CACNA2D2: variants seen among roughly 807,000 people sequenced by gnomAD.
CACNA2D2 encodes the protein voltage-dependent calcium channel subunit alpha-2/delta-2.
A neutral mutation model predicts 166.4 loss-of-function variants in CACNA2D2; 48 were observed. The observed-to-expected ratio is 0.29, with a 90% confidence interval of 0.23 to 0.37. The LOEUF (loss-of-function observed/expected upper bound fraction) is 0.37. Ranked by LOEUF, CACNA2D2 falls within the 10% of genes least tolerant of loss-of-function variation. The pLI is 1.00. For synonymous variants in CACNA2D2, 561 were observed against 573.7 expected, an observed-to-expected ratio of 0.98 and a Z score of 0.32; for missense variants, 1,122 against 1,433.0, an observed-to-expected ratio of 0.78 and a Z score of 3.50.
chr3:50,425,057 G>A (rs986000389), intron 3 of CACNA2D2, among the ~76,000 whole-genome samples: 27 of 152,144 alleles, frequency 1.8e-4, no homozygotes, highest in Non-Finnish European at 7.4e-5. Context: ...TGGGGCCAGA[G>A]AAGTGACTGG....
At chr3:50,396,535 C>A (rs1215642704) in intron 3 of CACNA2D2, among the ~76,000 whole-genome samples, 1 of 152,148 alleles carries the variant, frequency 6.6e-6, no homozygotes, top group African/African-American at 2.4e-5. Context: ...TGCCTGCCCA[C>A]GCCGACCCCA....
intron 3 of CACNA2D2, among the ~76,000 whole-genome samples, chr3:50,414,563 G>A (rs1166864693): frequency 1.3e-5 from 2 of 152,168 alleles, no homozygotes; most frequent in African/African-American, 4.8e-5. Flanking sequence ...GCAGTGGAAG[G>A]GTGGCAGGCT....
At position 50,470,125 on chromosome 3, in the gene CACNA2D2, G is replaced by A. The variant is rs534334589; in HGVS notation, c.288+5993C>T. Among the ~76,000 whole-genome samples, 16 of 152,320 alleles carry A rather than the reference G, an allele frequency of 1.1e-4. 1 individual carries two copies. In the South Asian group the frequency reaches 2.5e-3, roughly 24 times the overall value. On this transcript the variant is annotated intron_variant, in intron 2 of 37. Transcript: ENST00000424201. ...TTGGAGCAGGGTTCCCTGCCCCAGC[G>A]CTGCCCTGCCAGGACTCTAGGAGCC...
At chr3:50,465,871 C>G (rs1173175741) in intron 2 of CACNA2D2, among the ~76,000 whole-genome samples, 1 of 152,164 alleles carries the variant, frequency 6.6e-6, no homozygotes, top group African/African-American at 2.4e-5. Flanking sequence ...AGACAGGTCC[C>G]CCTGCCTTTG....
chr3:50,364,665 C>G lies in CACNA2D2; in HGVS notation c.*1G>C. The stretch of plus-strand genomic sequence containing the variant: ...AGTGGAGGTGGGGTGGGGCAGGGTG[C>G]TCAGAGGCGGCGAGAGGCGTGGACG... On this transcript the variant is annotated 3_prime_UTR_variant, in exon 38 of 38. Coordinates refer to ENST00000424201, the MANE Select transcript of CACNA2D2 (RefSeq NM_006030.4). The G allele has an allele frequency of 6.6e-7, 1 of 1,521,888 alleles. No individual in the cohort carries two copies. The highest frequency in any genetic ancestry group is 2.5e-5 in the East Asian group (1 of 40,532). 94.3% of individuals were successfully genotyped at this position (1,521,888 alleles called of 1,614,324 possible).
intron 6 of CACNA2D2, among the ~76,000 whole-genome samples, chr3:50,383,941 C>G (rs1396291599): frequency 6.6e-6 from 1 of 152,188 alleles, no homozygotes. Context: ...GACACGTGGG[C>G]AGGAGACCAT....
intron 2 of CACNA2D2, among the ~76,000 whole-genome samples, chr3:50,467,951 C>A (rs1009455354): frequency 1.3e-5 from 2 of 152,250 alleles, no homozygotes; most frequent in African/African-American, 4.8e-5. Flanking sequence ...GCTGCTCCTG[C>A]CGCCCCTGGG....
At chr3:50,408,684 A>G (rs1706840062) in intron 3 of CACNA2D2, among the ~76,000 whole-genome samples, 1 of 152,158 alleles carries the variant, frequency 6.6e-6, no homozygotes, top group African/African-American at 2.4e-5. Context: ...CCAGGCGCTA[A>G]TGGCTTCTGC....
chr3:50,370,775 T>G (rs1396048706), intron 22 of CACNA2D2, among the ~76,000 whole-genome samples: 1 of 152,056 alleles, frequency 6.6e-6, no homozygotes, highest in East Asian at 1.9e-4. Context: ...CCAGTCTCGC[T>G]CTTATCACAT....
intron 2 of CACNA2D2, among the ~76,000 whole-genome samples, chr3:50,440,224 G>C (rs956539007): frequency 1.3e-5 from 2 of 152,232 alleles, no homozygotes; most frequent in Non-Finnish European, 2.9e-5. Context: ...AGCTCCCCAG[G>C]AGGGGGCTAA....
intron 1 of CACNA2D2, among the ~76,000 whole-genome samples, chr3:50,486,027 C>T (rs1386806841): frequency 6.6e-6 from 1 of 152,092 alleles, no homozygotes; most frequent in Non-Finnish European, 1.5e-5. Context: ...CTCCCCAGCA[C>T]ATTCCCCAGG....
At chr3:50,425,257 A>G (rs1707753035) in intron 3 of CACNA2D2, among the ~76,000 whole-genome samples, 1 of 152,188 alleles carries the variant, frequency 6.6e-6, no homozygotes, top group Non-Finnish European at 1.5e-5. Flanking sequence ...ATCTCAGCAG[A>G]TTCAGCCTGA....
At chr3:50,451,641 G>A (rs1559962231) in intron 2 of CACNA2D2, among the ~76,000 whole-genome samples, 2 of 152,268 alleles carry the variant, frequency 1.3e-5, no homozygotes, top group East Asian at 1.9e-4. Flanking sequence ...TTTTATCGAT[G>A]GTACAGACTT....
At chr3:50,410,823 T>C (rs1706975942) in intron 3 of CACNA2D2, among the ~76,000 whole-genome samples, 1 of 152,180 alleles carries the variant, frequency 6.6e-6, no homozygotes, top group Non-Finnish European at 1.5e-5. Context: ...CCATCTGACT[T>C]TGAGGTCAAC....
chr3:50,432,633 CTGCAGAAGGCG>C (rs1559942180), intron 3 of CACNA2D2, among the ~76,000 whole-genome samples: 1 of 152,196 alleles, frequency 6.6e-6, no homozygotes. Context: ...GCTGCTATCC[CTGCAGAAGGCG>C]TGGCTCTGCC....
intron 2 of CACNA2D2, among the ~76,000 whole-genome samples, chr3:50,474,680 T>A (rs756713510): frequency 2.0e-5 from 3 of 152,206 alleles, no homozygotes; most frequent in Non-Finnish European, 4.4e-5. Context: ...TATGTCCCGA[T>A]ATGAAACTTG....
In CACNA2D2 at chr3:50,365,036, G is replaced by C; in HGVS notation, c.3208+39C>G. 2 of 1,597,222 alleles carry C rather than the reference G, an allele frequency of 1.3e-6. No individual in the cohort carries two copies. Among genetic ancestry groups the C allele is most frequent in the Non-Finnish European group, 1.7e-6 (2 of 1,171,104 alleles). ...CGGCACGGAGGGGGCGCGCGGGGCA[G>C]AGGGGGAGCGGGCGGCGGGGAGGGC... On this transcript the variant is annotated intron_variant, in intron 36 of 37. Transcript: ENST00000424201. This position sits in a 1 kb window ranked among gnomAD's most constrained non-coding sequence, Gnocchi z 4.5.
rs138636613 is a variant in CACNA2D2, at chr3:50,365,898, G to A, written c.2863-36C>T. The A allele has an allele frequency of 3.1e-4, 494 of 1,612,646 alleles. No homozygotes were observed. The African/African-American group carries it at 6.0e-3, about 20-fold the overall frequency. ...GAGAGGGGCGTGGACTGCCACTGCT[G>A]CCCCTCGCCCTAGGTCACCCCCAGC... On this transcript the variant is annotated intron_variant, in intron 32 of 37. Transcript: ENST00000424201. The surrounding 1 kb of genome is among the most constrained non-coding windows in gnomAD (Gnocchi z 4.5).
intron 2 of CACNA2D2, among the ~76,000 whole-genome samples, chr3:50,436,330 A>G (rs1220174761): frequency 1.3e-5 from 2 of 152,222 alleles, no homozygotes; most frequent in Non-Finnish European, 2.9e-5. Flanking sequence ...TACCAGGTGC[A>G]GCCACAGTCT....
Sources: gnomAD v4.1 joint callset for allele counts (sites outside exome capture counted in the v4.1 genomes callset) on GRCh38, gnomAD v4.1.1 for gene constraint, Gnocchi (gnomAD v3.1) non-coding constraint, MANE v1.5 for transcripts, NCBI Gene and HGNC (gene_info 2026-07-23, HGNC 2026-07-21) for gene names.